The following AASS variants were observed in gnomAD, a reference collection of about 807,000 sequenced individuals.
AASS encodes the protein alpha-aminoadipic semialdehyde synthase, mitochondrial.
AASS carries 86 observed loss-of-function variants against 105.4 expected under a neutral mutation model. That is an observed-to-expected ratio of 0.82 (90% confidence interval 0.69 to 0.98). The LOEUF (loss-of-function observed/expected upper bound fraction) is 0.98, where lower values mean the gene tolerates loss of function less well. Among genes scored for constraint, AASS ranks in the 50% least tolerant of loss-of-function variants. AASS has a pLI of 0.00. For synonymous variants in AASS, 381 were observed against 394.8 expected (o/e 0.96, Z 0.41); for missense variants, 1,048 against 1,143.2 (o/e 0.92, Z 1.20).
chr7:122,079,395 T>C, intron 21 of AASS: 1 of 1,326,888 alleles, frequency 7.5e-7, no homozygotes, highest in South Asian at 1.5e-5. Context: ...AGATAAGCAT[T>C]TCTCAAATTC....
intron 6 of AASS, among the ~76,000 whole-genome samples, chr7:122,117,250 T>A (rs1430031436): frequency 6.6e-6 from 1 of 152,244 alleles, no homozygotes; most frequent in Non-Finnish European, 1.5e-5. Flanking sequence ...TTTCCATTTA[T>A]TTTAGATCCA....
At chr7:122,143,362 T>G (rs1171358730) in intron 1 of AASS, among the ~76,000 whole-genome samples, 10 of 133,744 alleles carry the variant, frequency 7.5e-5, no homozygotes, top group East Asian at 5.1e-4. Flanking sequence ...CCCACCCCCA[T>G]TCCCCTGAAA....
chr7:122,078,913 C>G lies in AASS; in HGVS notation c.2434G>C (p.Glu812Gln). Reference sequence around the variant, plus strand: ...TTGGAGAGGGCATCCAGAATGGACTCTGCCTGAGGAACTTGTTCATCCCCA... The same window carrying G: ...TTGGAGAGGGCATCCAGAATGGACTGTGCCTGAGGAACTTGTTCATCCCCA... ...LLGDEQVPQA[E>Q]SILDALSKHL... The change falls in exon 22 of 24, where the codon GAG becomes CAG. Residue 812 changes from glutamate to glutamine, a missense_variant. Coordinates refer to ENST00000417368, the MANE Select transcript of AASS (RefSeq NM_005763.4). 1 of 1,614,144 alleles carries G rather than the reference C, an allele frequency of 6.2e-7. No individual in the cohort carries two copies. Among genetic ancestry groups the G allele is most frequent in the Non-Finnish European group, 8.5e-7 (1 of 1,180,022 alleles).
At chr7:122,077,388 T>C (rs956111241) in intron 23 of AASS, among the ~76,000 whole-genome samples, 1 of 151,950 alleles carries the variant, frequency 6.6e-6, no homozygotes, top group Non-Finnish European at 1.5e-5. Flanking sequence ...GAATCTGGAG[T>C]GAATATCTTT....
At chr7:122,090,437 A>T (rs1793842301) in intron 18 of AASS, among the ~76,000 whole-genome samples, 1 of 152,144 alleles carries the variant, frequency 6.6e-6, no homozygotes, top group Non-Finnish European at 1.5e-5. Context: ...GCCAAGTATG[A>T]GTTATGCTCT....
intron 9 of AASS, among the ~76,000 whole-genome samples, chr7:122,114,201 A>G (rs1217987317): frequency 6.6e-6 from 1 of 152,182 alleles, no homozygotes; most frequent in Non-Finnish European, 1.5e-5. Context: ...ACTTGCATAC[A>G]TGAACCAATG....
intron 15 of AASS, among the ~76,000 whole-genome samples, chr7:122,093,749 G>A (rs948752650): frequency 6.6e-6 from 1 of 152,132 alleles, no homozygotes. Context: ...GGTCAAGGCT[G>A]CAGTGAGTTG....
chr7:122,104,892 T>C (rs906038387), intron 11 of AASS, among the ~76,000 whole-genome samples: 1 of 151,948 alleles, frequency 6.6e-6, no homozygotes, highest in Non-Finnish European at 1.5e-5. Context: ...AATTTACTCA[T>C]GTAATAAAAC....
chr7:122,106,573 A>T (rs1041975279), intron 11 of AASS, among the ~76,000 whole-genome samples: 4 of 152,084 alleles, frequency 2.6e-5, no homozygotes, highest in African/African-American at 9.7e-5. Context: ...GACCAATAAA[A>T]CAGAATAGAG....
At chr7:122,106,154 G>A (rs757644816) in intron 11 of AASS, among the ~76,000 whole-genome samples, 9 of 151,936 alleles carry the variant, frequency 5.9e-5, no homozygotes, top group Non-Finnish European at 8.8e-5. Flanking sequence ...CATGTCATCT[G>A]CAAAAAGGGA....
intron 9 of AASS, 26 bp downstream of exon 9, chr7:122,115,048 T>C (rs1795102275): frequency 9.3e-6 from 15 of 1,614,126 alleles, no homozygotes; most frequent in East Asian, 2.2e-5. Context: ...TCAAAACTAC[T>C]ATCGTTGCTG....
chr7:122,107,272 C>T (rs1414345056), intron 11 of AASS, among the ~76,000 whole-genome samples: 1 of 152,114 alleles, frequency 6.6e-6, no homozygotes, highest in African/African-American at 2.4e-5. Context: ...AAAACGAATG[C>T]TTATACACTG....
chr7:122,074,466 C>A lies in AASS; in HGVS notation c.*2023G>T, dbSNP rs1792909797. Among the ~76,000 whole-genome samples, 1 of 152,124 alleles carries A rather than the reference C, an allele frequency of 6.6e-6. No individual in the cohort carries two copies. The highest frequency in any genetic ancestry group is 2.4e-5 in the African/African-American group (1 of 41,420). On this transcript the variant is annotated 3_prime_UTR_variant, in exon 24 of 24. Transcript: ENST00000417368. ...GCTTTCTTGATATTGTCCTTGGAAACACAAATGGTTTTAATTTTAATTTAC... is the reference window on the plus strand; with the variant it reads ...GCTTTCTTGATATTGTCCTTGGAAAAACAAATGGTTTTAATTTTAATTTAC...
rs1397087792 is a variant in AASS, at chr7:122,078,844, T to G, written c.2485+18A>C. 6.2e-7 allele frequency: 1 copy of G among 1,605,818 alleles called. No individual in the cohort carries two copies. Among genetic ancestry groups the G allele is most frequent in the South Asian group, 1.1e-5 (1 of 90,924 alleles). On this transcript the variant is annotated intron_variant, in intron 22 of 23. Transcript: ENST00000417368. ...TGATTCTTCTTTAGGTATATTTAGC[T>G]AATACTTCATGGCCTACCATAGGAA...
At position 122,103,804 on chromosome 7, in the gene AASS, C is replaced by G. The variant is rs1385219148; in HGVS notation, c.1279-2124G>C. On this transcript the variant is annotated intron_variant, in intron 11 of 23. Coordinates refer to ENST00000417368, the MANE Select transcript of AASS (RefSeq NM_005763.4). ...TATGTGTGTATATATACTATATATA[C>G]TATACACACACACACACGCTGGTGG... 2.1e-4 allele frequency among the ~76,000 whole-genome samples: 32 copies of G among 151,514 alleles called. 1 individual carries two copies. Among genetic ancestry groups the G allele is most frequent in the Non-Finnish European group, 4.7e-4 (32 of 67,820 alleles).
At chr7:122,097,325 T>C (rs1794204874) in intron 15 of AASS, among the ~76,000 whole-genome samples, 1 of 152,100 alleles carries the variant, frequency 6.6e-6, no homozygotes, top group South Asian at 2.1e-4. Context: ...TGAATGACTA[T>C]TTTCATCACT....
Position 122,133,845 on chromosome 7 carries a change from A to G in AASS, c.-15-104T>C. ...AGGTAAAATACAACCCGCTCTTATG[A>G]AAACAGACACAAGGTAGAGAAGAGG... On this transcript the variant is annotated intron_variant, in intron 1 of 23. Transcript: ENST00000417368. The G allele has an allele frequency of 3.1e-6, 3 of 976,994 alleles. No individual in the cohort carries two copies. The East Asian group carries it at 7.2e-5, about 23-fold the overall frequency. The allele number at this position is 976,994 out of a possible 1,614,324, so 60.5% of individuals were successfully genotyped here. A position where few individuals can be genotyped will look rare whatever the true frequency, so the allele number is the denominator to read the frequency against.
At chr7:122,089,730 G>A (rs569182738) in intron 18 of AASS, among the ~76,000 whole-genome samples, 3 of 152,144 alleles carry the variant, frequency 2.0e-5, no homozygotes, top group Non-Finnish European at 4.4e-5. Flanking sequence ...CTCACAACCA[G>A]TAATGGCAGA....
At chr7:122,083,126 G>A (rs921437533) in intron 19 of AASS, among the ~76,000 whole-genome samples, 15 of 152,068 alleles carry the variant, frequency 9.9e-5, no homozygotes, top group East Asian at 3.9e-4. Context: ...TTCCTGTAAC[G>A]TCAGATATTT....
Sources: gnomAD v4.1 joint callset for allele counts (sites outside exome capture counted in the v4.1 genomes callset) on GRCh38, gnomAD v4.1.1 for gene constraint, MANE v1.5 for transcripts, NCBI Gene and HGNC (gene_info 2026-07-23, HGNC 2026-07-21) for gene names.